Variants in DCDC2 observed in about 807,000 individuals in gnomAD.
DCDC2 encodes doublecortin domain-containing protein 2.
Under a neutral mutation model 50.2 loss-of-function variants are expected in DCDC2, and 40 were observed. The observed-to-expected ratio is 0.80, with a 90% CI of 0.62 to 1.04. The LOEUF is 1.04. DCDC2 is among the 50% of genes least tolerant of loss of function. The pLI, the probability that DCDC2 is intolerant of heterozygous loss-of-function variation, is 0.00. For missense variants in DCDC2, 570 were observed against 581.9 expected (o/e 0.98, Z 0.21); for synonymous variants, 234 against 210.6 (o/e 1.11, Z -0.96).
intron 7 of DCDC2, among the ~76,000 whole-genome samples, chr6:24,261,902 C>G (rs1763018863): frequency 6.6e-6 from 1 of 152,054 alleles, no homozygotes; most frequent in Admixed American, 6.5e-5. Flanking sequence ...AATTCTATGT[C>G]AGGAAATGAG....
At chr6:24,366,149 C>G in the DCDC2 span, among the ~76,000 whole-genome samples, 1 of 152,120 alleles carries the variant, frequency 6.6e-6, no homozygotes, top group African/African-American at 2.4e-5. Context: ...TCTTTATTTC[C>G]ACTTAGAATG....
At chr6:24,239,690 C>T (rs942732099) in intron 7 of DCDC2, among the ~76,000 whole-genome samples, 2 of 152,064 alleles carry the variant, frequency 1.3e-5, no homozygotes, top group African/African-American at 4.8e-5. Context: ...AGGAAATAAT[C>T]CAGGAGCTGC....
At chr6:24,244,491 C>G (rs1762629569) in intron 7 of DCDC2, among the ~76,000 whole-genome samples, 1 of 152,224 alleles carries the variant, frequency 6.6e-6, no homozygotes, top group South Asian at 2.1e-4. Flanking sequence ...GACTCTCCTT[C>G]ATTTGATCTG....
chr6:24,222,494 C>T (rs975102344), intron 7 of DCDC2, among the ~76,000 whole-genome samples: 1 of 152,142 alleles, frequency 6.6e-6, no homozygotes, highest in East Asian at 1.9e-4. Context: ...AAAATAACCA[C>T]AGGTTTAATA....
At chr6:24,315,371 TC>T (rs1759642525) in intron 2 of DCDC2, among the ~76,000 whole-genome samples, 1 of 151,974 alleles carries the variant, frequency 6.6e-6, no homozygotes, top group African/African-American at 2.4e-5. Context: ...TACATGATAC[TC>T]CCCTTCCAAA....
chr6:24,239,362 T>C (rs1004914377), intron 7 of DCDC2, among the ~76,000 whole-genome samples: 3 of 152,336 alleles, frequency 2.0e-5, no homozygotes, highest in Admixed American at 2.0e-4. Flanking sequence ...CATCATCTTA[T>C]TTTCCATCAA....
chr6:24,241,817 T>C (rs966597545), intron 7 of DCDC2, among the ~76,000 whole-genome samples: 4 of 152,210 alleles, frequency 2.6e-5, no homozygotes, highest in Non-Finnish European at 4.4e-5. Context: ...AATATATGAA[T>C]AGAATATATG....
intron 7 of DCDC2, among the ~76,000 whole-genome samples, chr6:24,206,354 C>T (rs1226638514): frequency 6.6e-6 from 1 of 151,064 alleles, no homozygotes; most frequent in East Asian, 2.1e-4. Flanking sequence ...AATATACAGC[C>T]CAGTGAGGAA....
chr6:24,346,148 TGTCTA>T lies in DCDC2; in HGVS notation c.348+7416_348+7420del, dbSNP rs1415294242. On this transcript the variant is annotated intron_variant, in intron 2 of 9. Transcript: ENST00000378454. ...AACAGAGATTGCTCAAAAGAGACTC[TGTCTA>T]AAAAAAAAAAAAAAAAATGTATTTA... is the stretch of plus-strand genomic sequence containing the variant. 8.2e-5 allele frequency among the ~76,000 whole-genome samples: 9 copies of T among 110,348 alleles called. 1 individual carries two copies. Among genetic ancestry groups the T allele is most frequent in the Admixed American group, 4.1e-4 (4 of 9,706 alleles). The allele number at this position is 110,348 out of a possible 152,430, so 72.4% of individuals were successfully genotyped here. A position where few individuals can be genotyped will look rare whatever the true frequency, so the allele number is the denominator to read the frequency against.
In DCDC2 at chr6:24,184,150, A is replaced by G. The variant is rs1049237402; in HGVS notation, c.1024-5518T>C. Among the ~76,000 whole-genome samples the G allele has an allele frequency of 2.6e-5, 4 of 152,230 alleles. No individual in the cohort carries two copies. The East Asian group carries it at 7.7e-4, about 29-fold the overall frequency. ...TGTAAACAAAAGGCAGTCTTGTCCCAAAGTCCTAGTATCTTTCCTTAAATT... is the reference window on the plus strand; with the variant it reads ...TGTAAACAAAAGGCAGTCTTGTCCCGAAGTCCTAGTATCTTTCCTTAAATT... On this transcript the variant is annotated intron_variant, in intron 8 of 9. Coordinates refer to ENST00000378454, the MANE Select transcript of DCDC2 (RefSeq NM_016356.5).
intron 2 of DCDC2, among the ~76,000 whole-genome samples, chr6:24,351,137 G>T (rs1344577977): frequency 2.6e-5 from 4 of 152,154 alleles, no homozygotes; most frequent in Non-Finnish European, 5.9e-5. Flanking sequence ...ATTTCCAGAA[G>T]AAAAATGCTT....
intron 7 of DCDC2, among the ~76,000 whole-genome samples, chr6:24,272,877 C>G (rs1763266415): frequency 6.6e-6 from 1 of 152,046 alleles, no homozygotes. Flanking sequence ...CAAAAGAAAA[C>G]AAATCATTAT....
chr6:24,247,693 G>A (rs1762709616), intron 7 of DCDC2, among the ~76,000 whole-genome samples: 1 of 152,202 alleles, frequency 6.6e-6, no homozygotes, highest in African/African-American at 2.4e-5. Flanking sequence ...GTTGAAAGGG[G>A]AGCAGTTTGG....
chr6:24,275,036 C>CG (rs1763322405), intron 7 of DCDC2, among the ~76,000 whole-genome samples: 1 of 147,222 alleles, frequency 6.8e-6, no homozygotes, highest in African/African-American at 2.6e-5. Context: ...CAAATTTTTG[C>CG]ATTTTTTTAC....
intron 4 of DCDC2, among the ~76,000 whole-genome samples, chr6:24,295,559 A>G (rs1307226585): frequency 6.6e-6 from 1 of 152,212 alleles, no homozygotes; most frequent in Non-Finnish European, 1.5e-5. Flanking sequence ...ACATGATTCT[A>G]TATCTAGAAA....
chr6:24,191,897 G>A (rs780376049), intron 8 of DCDC2, among the ~76,000 whole-genome samples: 5 of 152,182 alleles, frequency 3.3e-5, no homozygotes, highest in Non-Finnish European at 7.4e-5. Flanking sequence ...CAGACCTGAG[G>A]AAGCTAAAAT....
chr6:24,250,341 C>T (rs1286257325), intron 7 of DCDC2, among the ~76,000 whole-genome samples: 1 of 152,182 alleles, frequency 6.6e-6, no homozygotes, highest in Non-Finnish European at 1.5e-5. Context: ...GGCCTGGGTG[C>T]TCCGCCTGTC....
chr6:24,251,294 C>T (rs971374243), intron 7 of DCDC2, among the ~76,000 whole-genome samples: 1 of 152,152 alleles, frequency 6.6e-6, no homozygotes, highest in Non-Finnish European at 1.5e-5. Flanking sequence ...AAGTGAACCC[C>T]AAATGGCGCA....
chr6:24,262,054 A>C (rs926957158), intron 7 of DCDC2, among the ~76,000 whole-genome samples: 1 of 152,266 alleles, frequency 6.6e-6, no homozygotes, highest in Admixed American at 6.5e-5. Context: ...GCCTGGTTTT[A>C]ACAGCGTATC....
Sources: allele counts gnomAD v4.1 joint callset (sites outside exome capture counted in the v4.1 genomes callset), GRCh38; gene constraint gnomAD v4.1.1; transcripts MANE v1.5; gene names NCBI Gene and HGNC (gene_info 2026-07-23, HGNC 2026-07-21).